Variants in ZNF362 observed in about 807,000 individuals in gnomAD.
ZNF362 encodes rotund homolog.
A neutral mutation model predicts 42.9 loss-of-function variants in ZNF362; 11 were observed. That is an observed-to-expected ratio of 0.26 (90% CI 0.16 to 0.42). The LOEUF is 0.42. ZNF362 is among the 20% of genes least tolerant of loss of function. The probability of loss-of-function intolerance (pLI) is 1.00; values close to 1 mark genes in which losing one functional copy is unlikely to be tolerated. For synonymous variants in ZNF362, 255 were observed against 257.3 expected, an observed-to-expected ratio of 0.99 and a Z score of 0.09; for missense variants, 362 against 576.2, an observed-to-expected ratio of 0.63 and a Z score of 3.81.
the ZNF362 span, among the ~76,000 whole-genome samples, chr1:33,209,975 A>T: frequency 6.6e-6 from 1 of 151,576 alleles, no homozygotes; most frequent in Admixed American, 6.6e-5. Context: ...CTAGCTTTTG[A>T]ATTTGTTTGC....
chr1:33,220,144 G>A, the ZNF362 span, among the ~76,000 whole-genome samples: 1 of 152,164 alleles, frequency 6.6e-6, no homozygotes, highest in African/African-American at 2.4e-5. Flanking sequence ...GCTTTGTAGG[G>A]AAGGAAAGGT....
upstream of ZNF362, among the ~76,000 whole-genome samples, chr1:33,256,253 C>T (rs1411935365): frequency 7.0e-6 from 1 of 143,258 alleles, no homozygotes; most frequent in Non-Finnish European, 1.5e-5. Flanking sequence ...CGCGGCCCGC[C>T]CCCGCCCCCC....
At chr1:33,203,883 G>C in the ZNF362 span, among the ~76,000 whole-genome samples, 1 of 152,064 alleles carries the variant, frequency 6.6e-6, no homozygotes, top group African/African-American at 2.4e-5. Context: ...TTGGATATCA[G>C]ATGTACGGTT....
chr1:33,159,880 C>A, the ZNF362 span: 1 of 1,611,834 alleles, frequency 6.2e-7, no homozygotes, highest in Non-Finnish European at 8.5e-7. The surrounding 1 kb of genome is among the most constrained non-coding windows in gnomAD (Gnocchi z 4.2). Flanking sequence ...CTGGCGTTCA[C>A]GCAGCAGCCG....
chr1:33,204,190 TG>T, the ZNF362 span, among the ~76,000 whole-genome samples: 1 of 152,140 alleles, frequency 6.6e-6, no homozygotes, highest in Admixed American at 6.5e-5. Flanking sequence ...TTTTGGCATG[TG>T]GAAATCTAGT....
At chr1:33,238,192 A>G in the ZNF362 span, among the ~76,000 whole-genome samples, 148,744 of 151,316 alleles carry the variant, frequency 0.98, 73,145 homozygotes, top group East Asian at 1. Flanking sequence ...GGTGGCAGGC[A>G]CCTGTAATCC....
the ZNF362 span, among the ~76,000 whole-genome samples, chr1:33,184,249 G>A: frequency 6.6e-6 from 1 of 152,042 alleles, no homozygotes; most frequent in Non-Finnish European, 1.5e-5. Context: ...ATATATTATT[G>A]GATTTCAGTC....
the ZNF362 span, chr1:33,159,541 C>T: frequency 8.3e-7 from 1 of 1,205,566 alleles, no homozygotes; most frequent in Non-Finnish European, 1.1e-6. The surrounding 1 kb of genome is among the most constrained non-coding windows in gnomAD (Gnocchi z 4.2). Context: ...CATGCTCCTA[C>T]CCATAGCAGA....
At chr1:33,181,733 A>T in the ZNF362 span, 1 of 345,438 alleles carries the variant, frequency 2.9e-6, no homozygotes, top group East Asian at 7.2e-5. The surrounding 1 kb of genome is among the most constrained non-coding windows in gnomAD (Gnocchi z 6.5). Flanking sequence ...CCTGACGGGG[A>T]GGTTCTAGGG....
chr1:33,156,476 T>C, the ZNF362 span, among the ~76,000 whole-genome samples: 149,081 of 152,242 alleles, frequency 0.98, 73,029 homozygotes, highest in East Asian at 0.99. Flanking sequence ...CTCCTGGAAA[T>C]GCTTCCTCCA....
intron 1 of ZNF362, among the ~76,000 whole-genome samples, chr1:33,265,957 C>T (rs964740318): frequency 1.3e-5 from 2 of 152,220 alleles, no homozygotes; most frequent in Non-Finnish European, 2.9e-5. Flanking sequence ...GGGGCCTTTG[C>T]ACATGCAGTT....
intron 1 of ZNF362, among the ~76,000 whole-genome samples, chr1:33,267,099 C>T (rs983175121): frequency 6.6e-6 from 1 of 152,122 alleles, no homozygotes; most frequent in Non-Finnish European, 1.5e-5. Flanking sequence ...TTTGAGCAGG[C>T]CCCTGTCCCT....
the ZNF362 span, among the ~76,000 whole-genome samples, chr1:33,129,149 G>A: frequency 6.1e-4 from 93 of 152,304 alleles, no homozygotes; most frequent in African/African-American, 2.1e-3. This position sits in a 1 kb window ranked among gnomAD's most constrained non-coding sequence, Gnocchi z 4.1. Context: ...TAGGATGGAA[G>A]GTAAGAATGG....
rs1264016324 is a variant in ZNF362, at chr1:33,284,225, T to C, written c.908+2414T>C. Reference sequence around the variant, plus strand: ...TGAAATTCCACAAGCCATAAGCAGGTCCAGTCCGGTTTCCTGGAGGCCCGG... The same window carrying C: ...TGAAATTCCACAAGCCATAAGCAGGCCCAGTCCGGTTTCCTGGAGGCCCGG... On this transcript the variant is annotated intron_variant, in intron 6 of 8. Transcript: ENST00000539719. 2.0e-5 allele frequency among the ~76,000 whole-genome samples: 3 copies of C among 152,212 alleles called. 1 individual carries two copies. The highest frequency in any genetic ancestry group is 4.4e-5 in the Non-Finnish European group (3 of 68,032).
chr1:33,210,085 C>T, the ZNF362 span, among the ~76,000 whole-genome samples: 1 of 152,324 alleles, frequency 6.6e-6, no homozygotes, highest in Non-Finnish European at 1.5e-5. Flanking sequence ...GTTCCCTCTA[C>T]ACACTGCTTT....
chr1:33,250,763 AAAG>A, the ZNF362 span, among the ~76,000 whole-genome samples: 5 of 142,866 alleles, frequency 3.5e-5, no homozygotes, highest in Admixed American at 2.8e-4. Context: ...AAAAAAGAAG[AAAG>A]AAGAAGGAAG....
chr1:33,203,410 T>C, the ZNF362 span, among the ~76,000 whole-genome samples: 1 of 152,222 alleles, frequency 6.6e-6, no homozygotes, highest in African/African-American at 2.4e-5. Flanking sequence ...TCACGGCTAT[T>C]GTGAATAATG....
At chr1:33,274,854 A>T (rs1298118920) in intron 2 of ZNF362, 1 of 771,926 alleles carries the variant, frequency 1.3e-6, no homozygotes, top group Non-Finnish European at 1.6e-6. Context: ...TCACTGATAA[A>T]ATGGTATAAT....
chr1:33,269,085 A>G (rs752988465), intron 1 of ZNF362, among the ~76,000 whole-genome samples: 1 of 152,036 alleles, frequency 6.6e-6, no homozygotes, highest in African/African-American at 2.4e-5. Flanking sequence ...CCTCTTCCGG[A>G]TAGCCCTTCC....
Sources: allele counts gnomAD v4.1 joint callset (sites outside exome capture counted in the v4.1 genomes callset), GRCh38; gene constraint gnomAD v4.1.1; non-coding constraint Gnocchi (gnomAD v3.1); transcripts MANE v1.5; gene names NCBI Gene and HGNC (gene_info 2026-07-23, HGNC 2026-07-21).